TULP4: variants seen among roughly 807,000 people sequenced by gnomAD.
TULP4 encodes tubby-related protein 4.
In TULP4, 16 loss-of-function variants were observed where a neutral mutation model predicts 129.0. The observed-to-expected ratio is 0.12, with a 90% CI of 0.08 to 0.19. The LOEUF (loss-of-function observed/expected upper bound fraction) is 0.19. TULP4 is among the 10% of genes least tolerant of loss of function. The probability of loss-of-function intolerance (pLI) is 1.00; values close to 1 mark genes in which losing one functional copy is unlikely to be tolerated. For synonymous variants in TULP4, 998 were observed against 854.0 expected (o/e 1.17, Z -2.94); for missense variants, 1,842 against 2,059.1 (o/e 0.89, Z 2.04).
At chr6:158,469,396 C>T (rs546947906) in intron 6 of TULP4, among the ~76,000 whole-genome samples, 2 of 152,112 alleles carry the variant, frequency 1.3e-5, no homozygotes, top group South Asian at 2.1e-4. Context: ...ACCTCTGTCT[C>T]CCGAGTAGCT....
chr6:158,394,979 G>C (rs1019601706), intron 1 of TULP4, among the ~76,000 whole-genome samples: 1 of 151,980 alleles, frequency 6.6e-6, no homozygotes, highest in Non-Finnish European at 1.5e-5. Flanking sequence ...AGAAGAGAGA[G>C]ACCCAAGCAG....
chr6:158,410,140 C>T (rs1778061896), intron 1 of TULP4, among the ~76,000 whole-genome samples: 1 of 152,218 alleles, frequency 6.6e-6, no homozygotes, highest in Non-Finnish European at 1.5e-5. Flanking sequence ...AGGCGTGAGC[C>T]ACCGCACCTG....
intron 2 of TULP4, among the ~76,000 whole-genome samples, chr6:158,414,363 A>G (rs576395926): frequency 1.9e-4 from 29 of 152,356 alleles, no homozygotes; most frequent in African/African-American, 2.9e-4. Context: ...GAATCAGACA[A>G]TGTAGGCCGG....
At chr6:158,424,345 A>G (rs945803046) in intron 2 of TULP4, among the ~76,000 whole-genome samples, 2 of 152,046 alleles carry the variant, frequency 1.3e-5, no homozygotes, top group Non-Finnish European at 2.9e-5. Flanking sequence ...CGCCTCCCAG[A>G]TTCAAGTGAT....
chr6:158,368,066 C>CAAAAAAAAAAAAAAAA lies in TULP4; in HGVS notation c.253-44992_253-44977dup, dbSNP rs3085241. Among the ~76,000 whole-genome samples the CAAAAAAAAAAAAAAAA allele has an allele frequency of 8.1e-3, 529 of 64,970 alleles. 48 individuals carry two copies. The highest frequency in any genetic ancestry group is 0.013 in the Non-Finnish European group (431 of 34,438). 42.6% of individuals were successfully genotyped at this position (64,970 alleles called of 152,430 possible). On this transcript the variant is annotated intron_variant, in intron 1 of 13. Coordinates refer to ENST00000367097, the MANE Select transcript of TULP4 (RefSeq NM_020245.5). ...ACTCCAGCCTGGGTGACCCTGTCTC[C>CAAAAAAAAAAAAAAAA]AAAAAAAAAAAAAAAAAAAAAAGGA...
At chr6:158,254,908 C>T (rs1778217051) in intron 1 of TULP4, among the ~76,000 whole-genome samples, 1 of 152,162 alleles carries the variant, frequency 6.6e-6, no homozygotes, top group Admixed American at 6.5e-5. Flanking sequence ...CCTGTCTCTA[C>T]TAAAAGTACA....
intron 1 of TULP4, among the ~76,000 whole-genome samples, chr6:158,349,016 CCAGACGGGGCAGCCGGGCAGAGGCG>C (rs1780401454): frequency 1.1e-4 from 6 of 54,616 alleles, no homozygotes; most frequent in African/African-American, 3.9e-4. Flanking sequence ...TCCTCACTTC[CCAGACGGGGCAGCCGGGCAGAGGCG>C]CTCCTCACTT....
At chr6:158,398,417 CA>C (rs1348073850) in intron 1 of TULP4, 1 of 152,300 alleles carries the variant, frequency 6.6e-6, no homozygotes, top group Non-Finnish European at 1.5e-5. Flanking sequence ...CCTCCTCACC[CA>C]CCCACTGTGA....
intron 1 of TULP4, among the ~76,000 whole-genome samples, chr6:158,305,560 GCT>G (rs1779205192): frequency 6.6e-6 from 1 of 151,434 alleles, no homozygotes; most frequent in Non-Finnish European, 1.5e-5. Flanking sequence ...AAAAAAATTA[GCT>G]AGCCTGGTGG....
rs925880114 is a variant in TULP4 at position 158,507,039 on chromosome 6, C to A, written c.*345C>A. ...ACAGTCTGCCTTAGAGCCTGCTATT[C>A]TTTTAGACATAGGGAGGATGCATTA... On this transcript the variant is annotated 3_prime_UTR_variant, in exon 14 of 14. Coordinates refer to ENST00000367097, the MANE Select transcript of TULP4 (RefSeq NM_020245.5). The A allele has an allele frequency of 2.0e-5, 5 of 251,982 alleles. No individual in the cohort carries two copies. The highest frequency in any genetic ancestry group is 5.0e-5 in the Admixed American group (1 of 19,854). The allele number at this position is 251,982 out of a possible 1,614,324, so 15.6% of individuals were successfully genotyped here.
intron 1 of TULP4, among the ~76,000 whole-genome samples, chr6:158,233,260 G>A (rs1777631868): frequency 6.6e-6 from 1 of 152,166 alleles, no homozygotes; most frequent in Non-Finnish European, 1.5e-5. Context: ...AGCTCCCCTC[G>A]CCAGGAACTG....
rs1478155448 is a variant in TULP4, at chr6:158,454,018, ACCG to A, written c.859+1753_859+1755del. On this transcript the variant is annotated intron_variant, in intron 5 of 13. Coordinates refer to ENST00000367097, the MANE Select transcript of TULP4 (RefSeq NM_020245.5). Reference sequence around the variant, plus strand: ...TGGCAAGAATCATACCTGCCTCTGCACCGCCCCCCCCCAAGTAATTACTCTATT... The same window carrying A: ...TGGCAAGAATCATACCTGCCTCTGCACCCCCCCCCAAGTAATTACTCTATT... Among the ~76,000 whole-genome samples the A allele has an allele frequency of 1.4e-3, 160 of 114,640 alleles. 4 individuals are homozygous for A. Among genetic ancestry groups the A allele is most frequent in the Admixed American group, 4.1e-3 (48 of 11,776 alleles). The allele number at this position is 114,640 out of a possible 152,430, so 75.2% of individuals were successfully genotyped here. A position where few individuals can be genotyped will look rare whatever the true frequency, so the allele number is the denominator to read the frequency against.
chr6:158,412,573 A>G (rs1165765800), intron 1 of TULP4, among the ~76,000 whole-genome samples: 1 of 151,912 alleles, frequency 6.6e-6, no homozygotes, highest in African/African-American at 2.4e-5. Flanking sequence ...TTTCCAAATT[A>G]ACCACATTTA....
intron 1 of TULP4, among the ~76,000 whole-genome samples, chr6:158,248,596 T>C (rs201893712): frequency 6.6e-6 from 1 of 152,008 alleles, no homozygotes; most frequent in Non-Finnish European, 1.5e-5. Flanking sequence ...ATTTAAAAAC[T>C]AGCTGGGCAT....
chr6:158,256,539 A>G (rs560341848), intron 1 of TULP4, among the ~76,000 whole-genome samples: 114 of 152,356 alleles, frequency 7.5e-4, no homozygotes, highest in African/African-American at 2.5e-3. Flanking sequence ...TATTGTAAAT[A>G]AAATGTTGAG....
rs183781895 is a variant in TULP4 at position 158,468,302 on chromosome 6, T to C, written c.1026+6573T>C. 5.8e-3 allele frequency among the ~76,000 whole-genome samples: 883 copies of C among 152,332 alleles called. 6 individuals are homozygous for C. The highest frequency in any genetic ancestry group is 9.2e-3 in the Non-Finnish European group (629 of 68,022). On this transcript the variant is annotated intron_variant, in intron 6 of 13. Coordinates refer to ENST00000367097, the MANE Select transcript of TULP4 (RefSeq NM_020245.5). ...ACTACGCTGCCTTTCTTTATTACTA[T>C]TTTAATTTGTTTAACTAAAGGTAAA...
At chr6:158,293,538 C>T (rs9355631) in intron 1 of TULP4, among the ~76,000 whole-genome samples, 23,087 of 152,156 alleles carry the variant, frequency 0.15, 2,450 homozygotes, top group East Asian at 0.43. Context: ...TAAAAAATTA[C>T]CTCTACCACA....
chr6:158,478,233 C>G (rs1779865545), intron 6 of TULP4, among the ~76,000 whole-genome samples: 1 of 152,080 alleles, frequency 6.6e-6, no homozygotes, highest in Non-Finnish European at 1.5e-5. Context: ...CTTGTGTACC[C>G]CTGAACATAA....
At chr6:158,361,938 G>A (rs1780799992) in intron 1 of TULP4, among the ~76,000 whole-genome samples, 1 of 152,156 alleles carries the variant, frequency 6.6e-6, no homozygotes. Flanking sequence ...AGCATTTTCT[G>A]ATCATCAGCA....
Sources: allele counts gnomAD v4.1 joint callset (sites outside exome capture counted in the v4.1 genomes callset), GRCh38; gene constraint gnomAD v4.1.1; transcripts MANE v1.5; gene names NCBI Gene and HGNC (gene_info 2026-07-23, HGNC 2026-07-21).